RARB: variants seen among roughly 807,000 people sequenced by gnomAD.
The protein encoded by RARB is HBV-activated protein.
In RARB, 17 loss-of-function variants were observed where a neutral mutation model predicts 51.9. The observed-to-expected ratio is 0.33, with a 90% confidence interval of 0.22 to 0.49. The LOEUF is 0.49. Ranked by LOEUF, RARB falls within the 20% of genes least tolerant of loss-of-function variation. The pLI is 0.99. For synonymous variants in RARB, 215 were observed against 195.4 expected (o/e 1.10, Z -0.84); for missense variants, 369 against 550.8 (o/e 0.67, Z 3.30).
intron 4 of RARB, among the ~76,000 whole-genome samples, chr3:25,574,382 G>A (rs1409568423): frequency 6.6e-6 from 1 of 152,218 alleles, no homozygotes; most frequent in African/African-American, 2.4e-5. Flanking sequence ...GCCTTGCACA[G>A]TTTCCGGCAC....
intron 4 of RARB, among the ~76,000 whole-genome samples, chr3:25,571,350 C>T (rs1323510467): frequency 1.3e-5 from 2 of 152,254 alleles, no homozygotes; most frequent in Non-Finnish European, 2.9e-5. Context: ...AGCTGCCAGG[C>T]TGCTTATGCT....
At chr3:25,212,900 G>A (rs577130836) in intron 5 of RARB, among the ~76,000 whole-genome samples, 15 of 152,242 alleles carry the variant, frequency 9.9e-5, no homozygotes, top group South Asian at 2.1e-4. Flanking sequence ...ACCAAAGGTC[G>A]CTCACTTGGG....
At chr3:25,083,260 G>C (rs1271625185) in intron 3 of RARB, among the ~76,000 whole-genome samples, 1 of 151,960 alleles carries the variant, frequency 6.6e-6, no homozygotes, top group East Asian at 1.9e-4. Context: ...TACCAAATCT[G>C]TCTTTTCTTA....
At chr3:25,546,254 G>A (rs1327351093) in intron 3 of RARB, among the ~76,000 whole-genome samples, 3 of 152,210 alleles carry the variant, frequency 2.0e-5, no homozygotes, top group Non-Finnish European at 4.4e-5. Context: ...GCGAATTCCA[G>A]CTTTTCTCTC....
rs368007865 is a variant in RARB at position 25,566,814 on chromosome 3, G to T, written c.449-2944G>T. Among the ~76,000 whole-genome samples the T allele has an allele frequency of 6.6e-5, 10 of 152,292 alleles. No individual in the cohort carries two copies. The South Asian group carries it at 1.7e-3, about 25-fold the overall frequency. On this transcript the variant is annotated intron_variant, in intron 3 of 7. Transcript: ENST00000330688. Reference sequence around the variant, plus strand: ...GGGATTATGGGGACTCCTTCTGTGGGTTGTTAGTTTGTTTTGTGGTTTCTC... The same window carrying T: ...GGGATTATGGGGACTCCTTCTGTGGTTTGTTAGTTTGTTTTGTGGTTTCTC...
intron 5 of RARB, among the ~76,000 whole-genome samples, chr3:25,373,451 C>T (rs1415353408): frequency 9.9e-5 from 15 of 152,122 alleles, no homozygotes; most frequent in Admixed American, 9.8e-4. Context: ...CCTTAGACTT[C>T]TGAGACACTG....
At chr3:25,058,146 G>T (rs2125302719) in intron 2 of RARB, among the ~76,000 whole-genome samples, 1 of 152,046 alleles carries the variant, frequency 6.6e-6, no homozygotes, top group Admixed American at 6.6e-5. Flanking sequence ...GTTCAAAGTT[G>T]TGATTATAGC....
In RARB at chr3:25,107,129, G is replaced by A. The variant is rs1201906032; in HGVS notation, c.-327-25032G>A. 5.9e-5 allele frequency among the ~76,000 whole-genome samples: 9 copies of A among 152,124 alleles called. No homozygotes were observed. In the East Asian group the frequency reaches 1.7e-3, roughly 29 times the overall value. On this transcript the variant is annotated intron_variant, in intron 3 of 11. Transcript: ENST00000383772. ...TTGACCAGGCTGGTCATGAACTCCT[G>A]ACCTCAGGTGATCTACCTGCCTCGG...
At chr3:25,130,868 CAT>C (rs1699933982) in intron 3 of RARB, among the ~76,000 whole-genome samples, 1 of 138,160 alleles carries the variant, frequency 7.2e-6, no homozygotes, top group Admixed American at 7.1e-5. Context: ...GTCAATGTGT[CAT>C]ATTATCAATA....
At chr3:25,208,299 A>G (rs180944364) in intron 5 of RARB, among the ~76,000 whole-genome samples, 3 of 152,324 alleles carry the variant, frequency 2.0e-5, no homozygotes, top group African/African-American at 7.2e-5. Context: ...AATCAGGGGA[A>G]CAAATTTTTT....
rs140970899 is a variant in RARB at position 25,035,421 on chromosome 3, CTTTTTTTTTTT to C, written c.-379-24688_-379-24678del. On this transcript the variant is annotated intron_variant, in intron 2 of 11. Coordinates refer to the RARB transcript ENST00000383772. ...ACAGTTGTGAGCCGCTGCGTCCAGC[CTTTTTTTTTTT>C]TTTTTTTTTTTTTTTCTCTCAAGGT... Among the ~76,000 whole-genome samples, 26 of 121,644 alleles carry C rather than the reference CTTTTTTTTTTT, an allele frequency of 2.1e-4. No homozygotes were observed. The East Asian group carries it at 3.5e-3, about 16-fold the overall frequency. The allele number at this position is 121,644 out of a possible 152,430, so 79.8% of individuals were successfully genotyped here. A position where few individuals can be genotyped will look rare whatever the true frequency, so the allele number is the denominator to read the frequency against.
At chr3:25,059,408 C>G (rs1327381759) in intron 2 of RARB, among the ~76,000 whole-genome samples, 1 of 151,728 alleles carries the variant, frequency 6.6e-6, no homozygotes, top group East Asian at 1.9e-4. Flanking sequence ...ATATACACTT[C>G]CACTAGCTGG....
At chr3:25,438,990 G>A (rs547421479) in intron 1 of RARB, among the ~76,000 whole-genome samples, 29 of 152,274 alleles carry the variant, frequency 1.9e-4, no homozygotes, top group African/African-American at 7.0e-4. Context: ...GTCTACGCTG[G>A]CCTAGTCACT....
intron 1 of RARB, among the ~76,000 whole-genome samples, chr3:24,853,699 C>T (rs76090519): frequency 2.0e-5 from 3 of 152,184 alleles, no homozygotes; most frequent in Non-Finnish European, 2.9e-5. Context: ...CTCATTCACC[C>T]GTTCTTCATT....
At chr3:25,504,596 A>G (rs1296918348) in intron 3 of RARB, among the ~76,000 whole-genome samples, 1 of 152,128 alleles carries the variant, frequency 6.6e-6, no homozygotes, top group African/African-American at 2.4e-5. Flanking sequence ...ACAGGAGGCA[A>G]AAATGACCTC....
chr3:25,333,419 A>C (rs2125446387), intron 5 of RARB, among the ~76,000 whole-genome samples: 1 of 152,306 alleles, frequency 6.6e-6, no homozygotes, highest in African/African-American at 2.4e-5. Context: ...AAAAACAAGA[A>C]ATGGGGAAAG....
At chr3:25,343,309 A>G (rs1004942601) in intron 5 of RARB, among the ~76,000 whole-genome samples, 2 of 152,096 alleles carry the variant, frequency 1.3e-5, no homozygotes, top group Admixed American at 6.6e-5. Context: ...GAAGAGTGCC[A>G]TGCCTATAGC....
At chr3:24,909,492 C>T (rs920277766) in intron 2 of RARB, among the ~76,000 whole-genome samples, 24 of 151,892 alleles carry the variant, frequency 1.6e-4, no homozygotes, top group African/African-American at 4.1e-4. Context: ...CTGTCTCCTA[C>T]GTTCCTCCTC....
rs544893855 is a variant in RARB, at chr3:25,009,586, G to C, written c.-379-50539G>C. Among the ~76,000 whole-genome samples the C allele has an allele frequency of 9.2e-5, 14 of 152,134 alleles. 1 individual carries two copies. The East Asian group carries it at 2.3e-3, about 25-fold the overall frequency. On this transcript the variant is annotated intron_variant, in intron 2 of 11. Coordinates refer to the RARB transcript ENST00000383772. ...TAGGTGTCTCTGTAATTGTCACAGG[G>C]AGTCCTCATTCATGCTTTCCCTTGT...
Sources: allele counts gnomAD v4.1 joint callset (sites outside exome capture counted in the v4.1 genomes callset), GRCh38; gene constraint gnomAD v4.1.1; transcripts MANE v1.5; gene names NCBI Gene and HGNC (gene_info 2026-07-23, HGNC 2026-07-21).